The following CLSTN2 variants were observed in gnomAD, a reference collection of about 807,000 sequenced individuals.
CLSTN2 encodes calsyntenin 2, also known as calsyntenin-2.
Under a neutral mutation model 101.2 loss-of-function variants are expected in CLSTN2, and 48 were observed. The ratio of observed to expected loss-of-function variants is 0.47; its 90% confidence interval spans 0.38 to 0.60. The LOEUF is 0.60. Ranked by LOEUF, CLSTN2 falls within the 20% of genes least tolerant of loss-of-function variation. The pLI, the probability that CLSTN2 is intolerant of heterozygous loss-of-function variation, is 0.00. For synonymous variants in CLSTN2, 481 were observed against 463.6 expected (o/e 1.04, Z -0.48); for missense variants, 1,160 against 1,238.2 (o/e 0.94, Z 0.95).
intron 2 of CLSTN2, among the ~76,000 whole-genome samples, chr3:140,215,229 C>T (rs1019979805): frequency 6.6e-6 from 1 of 152,290 alleles, no homozygotes. Context: ...TTCCCTCATA[C>T]ACTTTCTCCC....
At chr3:140,157,415 G>A (rs1191997095) in intron 1 of CLSTN2, among the ~76,000 whole-genome samples, 1 of 152,122 alleles carries the variant, frequency 6.6e-6, no homozygotes, top group Non-Finnish European at 1.5e-5. Flanking sequence ...TCCAATTTTG[G>A]AACTTGTTAT....
chr3:139,935,905 T>C lies in CLSTN2; in HGVS notation c.109+422T>C, dbSNP rs1935011829. On this transcript the variant is annotated intron_variant, in intron 1 of 16. Coordinates refer to ENST00000458420, the MANE Select transcript of CLSTN2 (RefSeq NM_022131.3). The surrounding 1 kb of genome is among the most constrained non-coding windows in gnomAD (Gnocchi z 5.5). ...TGCTTTCAAGGAGGGAGCCGAGCTG[T>C]GACTTGTCTCCCAGCTCGGGGATGG... Among the ~76,000 whole-genome samples the C allele has an allele frequency of 6.6e-6, 1 of 152,044 alleles. No individual in the cohort carries two copies. Among genetic ancestry groups the C allele is most frequent in the Admixed American group, 6.5e-5 (1 of 15,280 alleles).
At chr3:140,240,146 CTCTCTG>C (rs1212642736) in intron 2 of CLSTN2, among the ~76,000 whole-genome samples, 503 of 16,796 alleles carry the variant, frequency 0.03, 34 homozygotes, top group African/African-American at 0.038. Flanking sequence ...CTCTCTCTCT[CTCTCTG>C]TCTCTCTCTC....
At chr3:140,374,757 T>C (rs1993962) in intron 2 of CLSTN2, among the ~76,000 whole-genome samples, 124,666 of 152,174 alleles carry the variant, frequency 0.82, 53,331 homozygotes, top group East Asian at 1. Flanking sequence ...CTGTTCTTTC[T>C]GAGCCTACTG....
intron 1 of CLSTN2, among the ~76,000 whole-genome samples, chr3:140,056,768 T>C (rs566549579): frequency 6.6e-6 from 1 of 152,308 alleles, no homozygotes; most frequent in South Asian, 2.1e-4. Flanking sequence ...GGCTATTTAG[T>C]AACAAGATAT....
chr3:140,024,305 G>GT (rs1488320893), intron 1 of CLSTN2, among the ~76,000 whole-genome samples: 4 of 152,316 alleles, frequency 2.6e-5, no homozygotes, highest in South Asian at 4.1e-4. Context: ...TGCGGCATGG[G>GT]TGCCCACCTT....
At chr3:140,192,665 T>G in intron 2 of CLSTN2, among the ~76,000 whole-genome samples, 1 of 57,660 alleles carries the variant, frequency 1.7e-5, no homozygotes, top group South Asian at 5.7e-4. Flanking sequence ...TTTTTTTCCA[T>G]TTTTTTTTGT....
intron 2 of CLSTN2, among the ~76,000 whole-genome samples, chr3:140,293,869 C>T (rs2086977261): frequency 6.6e-6 from 1 of 152,148 alleles, no homozygotes; most frequent in Non-Finnish European, 1.5e-5. Context: ...ACACTATATT[C>T]TTTCTATTCC....
chr3:140,202,725 G>C (rs2107842132), intron 2 of CLSTN2, among the ~76,000 whole-genome samples: 1 of 152,270 alleles, frequency 6.6e-6, no homozygotes, highest in Non-Finnish European at 1.5e-5. Context: ...AAAGGAGATA[G>C]AATAAATGGC....
chr3:140,546,814 C>A, intron 10 of CLSTN2, 133 bp downstream of exon 10: 1 of 788,024 alleles, frequency 1.3e-6, no homozygotes, highest in Non-Finnish European at 2.0e-6. Flanking sequence ...AAAGGTGCAG[C>A]CACGAGATGG....
chr3:140,441,853 C>G (rs1448398891), intron 5 of CLSTN2, among the ~76,000 whole-genome samples: 1 of 152,236 alleles, frequency 6.6e-6, no homozygotes, highest in Non-Finnish European at 1.5e-5. Context: ...GTGCCTCACA[C>G]TACACCAGGG....
Position 140,145,056 on chromosome 3 carries a change from G to A in CLSTN2, c.110-30895G>A, listed in dbSNP as rs1034192395. ...ACCACCTTGGAATAGTTTGATTAAC[G>A]GATTATTCCCCATACTGTGATTTCT... On this transcript the variant is annotated intron_variant, in intron 1 of 16. Transcript: ENST00000458420. 3.3e-5 allele frequency among the ~76,000 whole-genome samples: 5 copies of A among 152,150 alleles called. No individual in the cohort carries two copies. In the East Asian group the frequency reaches 5.8e-4, roughly 18 times the overall value.
intron 8 of CLSTN2, among the ~76,000 whole-genome samples, chr3:140,498,369 G>A (rs1378669976): frequency 2.0e-5 from 3 of 152,120 alleles, no homozygotes; most frequent in African/African-American, 7.2e-5. Context: ...AGGTGCTGTT[G>A]GGTTGCACCT....
At position 140,119,490 on chromosome 3, in the gene CLSTN2, T is replaced by C. The variant is rs551229460; in HGVS notation, c.110-56461T>C. Among the ~76,000 whole-genome samples, 3 of 152,278 alleles carry C rather than the reference T, an allele frequency of 2.0e-5. No homozygotes were observed. The South Asian group carries it at 6.2e-4, about 32-fold the overall frequency. On this transcript the variant is annotated intron_variant, in intron 1 of 16. Transcript: ENST00000458420. ...TATATCACAGTTAATTGTTGGAATG[T>C]ATGGGAGGCAGCAGGGCACCTAATT...
Position 140,562,135 on chromosome 3 carries a change from C to T in CLSTN2, c.2042-3C>T. 1 of 1,613,496 alleles carries T rather than the reference C, an allele frequency of 6.2e-7. No individual in the cohort carries two copies. Among genetic ancestry groups the T allele is most frequent in the Non-Finnish European group, 8.5e-7 (1 of 1,179,664 alleles). ...TGCATTTCCCATGTCTGTCTTCCTACAGACCCCAAATCAGAAGTCTTAGAG... is the reference window on the plus strand; with the variant it reads ...TGCATTTCCCATGTCTGTCTTCCTATAGACCCCAAATCAGAAGTCTTAGAG... On this transcript the variant is annotated splice_polypyrimidine_tract_variant and splice_region_variant and intron_variant, in intron 12 of 16. Coordinates refer to ENST00000458420, the MANE Select transcript of CLSTN2 (RefSeq NM_022131.3).
rs141427419 is a variant in CLSTN2 at position 140,453,389 on chromosome 3, C to T, written c.973+4685C>T. ...CTAAGTTGTTCTCAGGATTTATATACATGTGAGCCCAGGAGACTTTGGTAG... is the reference window on the plus strand; with the variant it reads ...CTAAGTTGTTCTCAGGATTTATATATATGTGAGCCCAGGAGACTTTGGTAG... On this transcript the variant is annotated intron_variant, in intron 6 of 16. Coordinates refer to ENST00000458420, the MANE Select transcript of CLSTN2 (RefSeq NM_022131.3). 4 of 152,340 alleles carry T rather than the reference C, an allele frequency of 2.6e-5. No homozygotes were observed. In the East Asian group the frequency reaches 7.7e-4, roughly 29 times the overall value. 9.4% of individuals were successfully genotyped at this position (152,340 alleles called of 1,614,324 possible).
Position 140,576,233 on chromosome 3 carries a change from G to A in CLSTN2, c.*9980G>A, listed in dbSNP as rs1263148158. 3 of 152,192 alleles carry A rather than the reference G, an allele frequency of 2.0e-5. No individual in the cohort carries two copies. Among genetic ancestry groups the A allele is most frequent in the African/African-American group, 7.2e-5 (3 of 41,436 alleles). The allele number at this position is 152,192 out of a possible 1,614,324, so 9.4% of individuals were successfully genotyped here. On this transcript the variant is annotated 3_prime_UTR_variant, in exon 17 of 17. Coordinates refer to ENST00000458420, the MANE Select transcript of CLSTN2 (RefSeq NM_022131.3). ...TCCCTTGTCGTGAGAGTGAAGGCAT[G>A]CTGCACACAGTGGGTTTGCATGCAC... is the stretch of plus-strand genomic sequence containing the variant.
At chr3:140,223,583 C>A (rs2086293727) in intron 2 of CLSTN2, among the ~76,000 whole-genome samples, 1 of 152,202 alleles carries the variant, frequency 6.6e-6, no homozygotes, top group African/African-American at 2.4e-5. Context: ...TTTTCCTAGG[C>A]AGTTTTGTTG....
chr3:140,203,506 G>A (rs982409902), intron 2 of CLSTN2, among the ~76,000 whole-genome samples: 12 of 139,078 alleles, frequency 8.6e-5, no homozygotes, highest in South Asian at 7.3e-4. Context: ...TTTAAGATGG[G>A]AGAAATATGC....
Sources: allele counts gnomAD v4.1 joint callset (sites outside exome capture counted in the v4.1 genomes callset), GRCh38; gene constraint gnomAD v4.1.1; non-coding constraint Gnocchi (gnomAD v3.1); transcripts MANE v1.5; gene names NCBI Gene and HGNC (gene_info 2026-07-23, HGNC 2026-07-21).